The following NRK variants were observed in gnomAD, a reference collection of about 807,000 sequenced individuals.
NRK encodes the protein Nik related kinase.
NRK carries 67 observed loss-of-function variants against 125.2 expected under a neutral mutation model. That is an observed-to-expected ratio of 0.54 (90% CI 0.44 to 0.66). The LOEUF (loss-of-function observed/expected upper bound fraction) is 0.66, where lower values mean the gene tolerates loss of function less well. NRK is among the 30% of genes least tolerant of loss of function. NRK has a pLI of 0.00. For missense variants in NRK, 1,224 were observed against 1,192.9 expected (o/e 1.03, Z -0.38); for synonymous variants, 458 against 429.0 (o/e 1.07, Z -0.84).
intron 2 of NRK, among the ~76,000 whole-genome samples, chrX:105,878,216 TA>T (rs2039839336): frequency 9.0e-6 from 1 of 111,106 alleles, no homozygotes; most frequent in African/African-American, 3.3e-5. Context: ...ACTGAATAAA[TA>T]AAAATATTAA....
In NRK at chrX:105,943,830, T is replaced by C. The variant is rs1436442989; in HGVS notation, c.3959-111T>C. The C allele has an allele frequency of 1.1e-5, 5 of 438,459 alleles. No homozygotes were observed. The African/African-American group carries it at 1.3e-4, about 11-fold the overall frequency. 36.1% of individuals were successfully genotyped at this position (438,459 alleles called of 1,213,427 possible). A position where few individuals can be genotyped will look rare whatever the true frequency, so the allele number is the denominator to read the frequency against. On this transcript the variant is annotated intron_variant, in intron 23 of 28. Transcript: ENST00000243300. ...TAACCAAGTAGCTTCCCCAAAAATA[T>C]ACTGTCTGTGCTCTTAAATTGTGGT...
chrX:105,875,883 AAGAATGAGAGCTAAG>A (rs1168889734), intron 2 of NRK, among the ~76,000 whole-genome samples: 1 of 111,078 alleles, frequency 9.0e-6, no homozygotes, highest in Non-Finnish European at 1.9e-5. Flanking sequence ...CTTTTACGAT[AAGAATGAGAGCTAAG>A]AGAATTTTTT....
At chrX:105,837,161 G>C (rs1309825462) in intron 2 of NRK, among the ~76,000 whole-genome samples, 1 of 111,216 alleles carries the variant, frequency 9.0e-6, no homozygotes. Context: ...ATAAAAAATG[G>C]TGAATTAACG....
In NRK at chrX:105,888,330, C is replaced by T. The variant is rs2039974115; in HGVS notation, c.289C>T (p.Leu97=). ...GGATCTCAGGACTGAACTCAACCTT[C>T]TGAGGAAGTACTCTTTCCACAAAAA... ...EEDLRTELNL[L]RKYSFHKNIV... The change falls in exon 5 of 29, where the codon CTG becomes TTG. Residue 97 remains leucine (L), a synonymous_variant. Transcript: ENST00000243300. 2 of 1,192,973 alleles carry T rather than the reference C, an allele frequency of 1.7e-6. No individual in the cohort carries two copies. Among genetic ancestry groups the T allele is most frequent in the African/African-American group, 3.5e-5 (2 of 57,461 alleles).
intron 6 of NRK, 112 bp downstream of exon 6, chrX:105,894,054 C>G (rs1239457812): frequency 1.1e-5 from 5 of 441,060 alleles, no homozygotes; most frequent in Non-Finnish European, 1.8e-5. Flanking sequence ...CAAACATAAC[C>G]TGTGCATCAG....
At chrX:105,929,634 A>G (rs769251391) in intron 19 of NRK, among the ~76,000 whole-genome samples, 1 of 110,573 alleles carries the variant, frequency 9.0e-6, no homozygotes, top group Admixed American at 9.7e-5. Flanking sequence ...TTTTGTAGTA[A>G]TAAGGTTTGA....
intron 2 of NRK, among the ~76,000 whole-genome samples, chrX:105,874,015 G>A (rs1025589586): frequency 8.9e-6 from 1 of 111,810 alleles, no homozygotes. Context: ...TGATAACTAC[G>A]CTTTAATGCC....
intron 2 of NRK, among the ~76,000 whole-genome samples, chrX:105,841,124 G>T (rs1478724398): frequency 9.0e-6 from 1 of 111,096 alleles, no homozygotes; most frequent in African/African-American, 3.3e-5. Flanking sequence ...GTGCATCTGT[G>T]TCTAAGGTAG....
chrX:105,881,121 T>A (rs1229113921), intron 3 of NRK, among the ~76,000 whole-genome samples: 1 of 110,403 alleles, frequency 9.1e-6, no homozygotes, highest in African/African-American at 3.3e-5. Context: ...GAACTTAAAG[T>A]ATAATAATAA....
intron 4 of NRK, among the ~76,000 whole-genome samples, chrX:105,885,989 A>G (rs1194438700): frequency 9.0e-6 from 1 of 111,022 alleles, no homozygotes; most frequent in Non-Finnish European, 1.9e-5. Context: ...ACTCTGGGCT[A>G]TCAGTGCTAA....
intron 1 of NRK, among the ~76,000 whole-genome samples, chrX:105,824,256 A>T (rs749763294): frequency 2.7e-5 from 3 of 111,984 alleles, no homozygotes; most frequent in African/African-American, 9.7e-5. Flanking sequence ...CTCATTCTGC[A>T]TGCACCCAGA....
At chrX:105,909,944 C>T (rs56373308) in intron 13 of NRK, 62 bp downstream of exon 13, 259 of 962,815 alleles carry the variant, frequency 2.7e-4, no homozygotes, top group African/African-American at 2.2e-3. Context: ...ATAGCTCATG[C>T]GGATGTTTTT....
chrX:105,941,555 A>AAGAGAGAGAGAGAGAGAG (rs771874766), intron 23 of NRK, among the ~76,000 whole-genome samples: 3 of 85,275 alleles, frequency 3.5e-5, no homozygotes, highest in African/African-American at 1.4e-4. Context: ...GAGAGACAGA[A>AAGAGAGAGAGAGAGAGAG]AGAGAGAGAG....
chrX:105,924,961 A>G lies in NRK; in HGVS notation c.3242A>G (p.Glu1081Gly). 1 of 1,211,376 alleles carries G rather than the reference A, an allele frequency of 8.3e-7. No homozygotes were observed. Residue 1081 changes from glutamate to glycine, a missense_variant, in exon 19 of 29, where the codon GAA (glutamate) becomes GGA (glycine). Glu to Gly is a moderately conservative substitution (Grantham distance 98, BLOSUM62 -2). Coordinates refer to ENST00000243300, the MANE Select transcript of NRK (RefSeq NM_198465.4). Reference protein sequence around the residue: ...ESGALGLNGEENCSETDGPGL... With the variant: ...ESGALGLNGEGNCSETDGPGL... ...GGAGCCCTTGGACTCAATGGAGAAG[A>G]AAATTGCTCAGAGACAGATGGTCCA...
chrX:105,940,095 A>G (rs1387750158), intron 23 of NRK, 63 bp downstream of exon 23: 2 of 823,655 alleles, frequency 2.4e-6, no homozygotes, highest in South Asian at 2.4e-5. Flanking sequence ...TTGGTGAACT[A>G]CATAATTATG....
intron 7 of NRK, among the ~76,000 whole-genome samples, chrX:105,895,993 T>C (rs2040078009): frequency 1.8e-5 from 2 of 111,950 alleles, no homozygotes; most frequent in South Asian, 7.5e-4. Flanking sequence ...TTTTCAGATA[T>C]GTAAAGAAAT....
intron 19 of NRK, among the ~76,000 whole-genome samples, chrX:105,927,908 A>G (rs528617975): frequency 3.6e-5 from 4 of 111,213 alleles, no homozygotes; most frequent in African/African-American, 9.8e-5. Context: ...TTTTGCATCT[A>G]TCTTCATCAG....
chrX:105,870,518 GT>G (rs1260725304), intron 2 of NRK, among the ~76,000 whole-genome samples: 2 of 111,815 alleles, frequency 1.8e-5, no homozygotes, highest in Non-Finnish European at 3.8e-5. Flanking sequence ...TTGCCTACTA[GT>G]AGCTATTCAT....
At chrX:105,871,141 A>G (rs977456188) in intron 2 of NRK, among the ~76,000 whole-genome samples, 1 of 111,565 alleles carries the variant, frequency 9.0e-6, no homozygotes, top group Non-Finnish European at 1.9e-5. Flanking sequence ...AACATTAAGT[A>G]ATGTTACCTG....
Sources: gnomAD v4.1 joint callset for allele counts (sites outside exome capture counted in the v4.1 genomes callset) on GRCh38, gnomAD v4.1.1 for gene constraint, MANE v1.5 for transcripts, NCBI Gene and HGNC (gene_info 2026-07-23, HGNC 2026-07-21) for gene names.